The following CNTN5 variants were observed in gnomAD, a reference collection of about 807,000 sequenced individuals.
CNTN5 encodes contactin 5.
CNTN5 carries 77 observed loss-of-function variants against 129.1 expected under a neutral mutation model. The ratio of observed to expected loss-of-function variants is 0.60; its 90% CI spans 0.50 to 0.72. The LOEUF (loss-of-function observed/expected upper bound fraction) is 0.72, where lower values mean the gene tolerates loss of function less well. Ranked by LOEUF, CNTN5 falls within the 30% of genes least tolerant of loss-of-function variation. CNTN5 has a pLI of 0.00. For synonymous variants in CNTN5, 509 were observed against 465.6 expected (o/e 1.09, Z -1.20); for missense variants, 1,478 against 1,328.8 (o/e 1.11, Z -1.75).
At chr11:99,788,731 T>C (rs1945627647) in intron 3 of CNTN5, among the ~76,000 whole-genome samples, 1 of 151,924 alleles carries the variant, frequency 6.6e-6, no homozygotes, top group Non-Finnish European at 1.5e-5. Context: ...TTAAAATTTT[T>C]ACTCCATCAC....
intron 3 of CNTN5, among the ~76,000 whole-genome samples, chr11:99,559,756 C>T (rs1037108085): frequency 6.6e-6 from 1 of 152,074 alleles, no homozygotes; most frequent in Non-Finnish European, 1.5e-5. Flanking sequence ...ACCATATAAG[C>T]GTTTACCAGA....
chr11:99,852,923 A>T (rs1272183011), intron 6 of CNTN5, among the ~76,000 whole-genome samples: 1 of 152,242 alleles, frequency 6.6e-6, no homozygotes, highest in Non-Finnish European at 1.5e-5. Context: ...AAAGAACAAT[A>T]GACATTTTAA....
At chr11:99,213,402 ACACATATATG>A (rs71832738) in intron 1 of CNTN5, among the ~76,000 whole-genome samples, 331 of 124,800 alleles carry the variant, frequency 2.7e-3, no homozygotes, top group East Asian at 0.025. Context: ...GTGTATATAT[ACACATATATG>A]TATATACATA....
At chr11:99,973,870 A>G (rs184706525) in intron 8 of CNTN5, among the ~76,000 whole-genome samples, 2 of 152,228 alleles carry the variant, frequency 1.3e-5, no homozygotes, top group Non-Finnish European at 2.9e-5. Flanking sequence ...CACATTTACC[A>G]TAAAATAACA....
chr11:100,351,646 C>A (rs1445354910), intron 24 of CNTN5, among the ~76,000 whole-genome samples: 2 of 124,190 alleles, frequency 1.6e-5, no homozygotes, highest in East Asian at 2.5e-4. Flanking sequence ...GCAACCATTT[C>A]GTAGAGATAG....
intron 18 of CNTN5, among the ~76,000 whole-genome samples, chr11:100,294,459 C>G (rs992850352): frequency 6.6e-6 from 1 of 151,570 alleles, no homozygotes; most frequent in African/African-American, 2.4e-5. Flanking sequence ...GATAAAGTAT[C>G]AATTACATTA....
chr11:99,238,128 C>A (rs986238782), intron 1 of CNTN5, among the ~76,000 whole-genome samples: 1 of 152,138 alleles, frequency 6.6e-6, no homozygotes, highest in Non-Finnish European at 1.5e-5. Flanking sequence ...GAAAGCACTG[C>A]ATCTTTTTAA....
chr11:99,363,744 G>T (rs1939273527), intron 2 of CNTN5, among the ~76,000 whole-genome samples: 1 of 152,096 alleles, frequency 6.6e-6, no homozygotes, highest in South Asian at 2.1e-4. Flanking sequence ...AAACAGGACA[G>T]TGAGAAAAAA....
chr11:99,158,479 G>T (rs958911933), intron 1 of CNTN5, among the ~76,000 whole-genome samples: 3 of 152,032 alleles, frequency 2.0e-5, no homozygotes, highest in African/African-American at 7.2e-5. Flanking sequence ...AAATGCCTTT[G>T]AGATATCTGT....
intron 3 of CNTN5, among the ~76,000 whole-genome samples, chr11:99,697,334 A>G (rs943790217): frequency 6.6e-6 from 1 of 151,526 alleles, no homozygotes; most frequent in Non-Finnish European, 1.5e-5. Flanking sequence ...AGAGAGAGAA[A>G]CTTTACAGCC....
At chr11:99,197,176 T>A (rs1858945306) in intron 1 of CNTN5, among the ~76,000 whole-genome samples, 1 of 151,886 alleles carries the variant, frequency 6.6e-6, no homozygotes, top group African/African-American at 2.4e-5. Flanking sequence ...TCTTAACACA[T>A]CCCAAAGAAT....
At chr11:100,040,318 G>A (rs185450827) in intron 9 of CNTN5, among the ~76,000 whole-genome samples, 11 of 152,254 alleles carry the variant, frequency 7.2e-5, no homozygotes, top group African/African-American at 1.7e-4. Context: ...CTGCCTGATC[G>A]TTCCTCTGGA....
At chr11:99,601,856 TC>T in intron 3 of CNTN5, among the ~76,000 whole-genome samples, 1 of 152,190 alleles carries the variant, frequency 6.6e-6, no homozygotes, top group Non-Finnish European at 1.5e-5. Flanking sequence ...ATGTCACACT[TC>T]TGCACATAAA....
intron 2 of CNTN5, among the ~76,000 whole-genome samples, chr11:99,392,872 C>G (rs561246281): frequency 1.3e-5 from 2 of 151,900 alleles, no homozygotes; most frequent in South Asian, 4.1e-4. Context: ...ACAGGACATG[C>G]CTAAACATTT....
chr11:99,704,963 AAC>A (rs1465634542), intron 3 of CNTN5, among the ~76,000 whole-genome samples: 1 of 151,286 alleles, frequency 6.6e-6, no homozygotes, highest in African/African-American at 2.4e-5. Context: ...ATTTCCAAAT[AAC>A]ACAGTCATTT....
intron 2 of CNTN5, among the ~76,000 whole-genome samples, chr11:99,500,962 A>G (rs1380413814): frequency 6.6e-6 from 1 of 152,180 alleles, no homozygotes; most frequent in Non-Finnish European, 1.5e-5. Context: ...TTTGTGAAAA[A>G]AAGACTTCAG....
At chr11:100,289,292 C>T (rs1230483545) in intron 18 of CNTN5, among the ~76,000 whole-genome samples, 1 of 152,168 alleles carries the variant, frequency 6.6e-6, no homozygotes, top group Non-Finnish European at 1.5e-5. Context: ...CAAAGCCGGG[C>T]AGAGACACAA....
chr11:100,232,083 G>A (rs180867640), intron 16 of CNTN5, among the ~76,000 whole-genome samples: 10 of 152,238 alleles, frequency 6.6e-5, no homozygotes, highest in East Asian at 1.9e-4. Flanking sequence ...GAACCTGGGA[G>A]GGGGAGGTTG....
intron 17 of CNTN5, among the ~76,000 whole-genome samples, chr11:100,262,642 G>T (rs1471041562): frequency 1.3e-5 from 2 of 152,170 alleles, no homozygotes; most frequent in Non-Finnish European, 2.9e-5. Flanking sequence ...CCTTTGCAGG[G>T]ACATGGATGA....
Sources: allele counts gnomAD v4.1 joint callset (sites outside exome capture counted in the v4.1 genomes callset), GRCh38; gene constraint gnomAD v4.1.1; transcripts MANE v1.5; gene names NCBI Gene and HGNC (gene_info 2026-07-23, HGNC 2026-07-21).